Variants in PIEZO2 observed in about 807,000 individuals in gnomAD.
The protein encoded by PIEZO2 is piezo type mechanosensitive ion channel component 2.
In PIEZO2, 172 loss-of-function variants were observed where a neutral mutation model predicts 337.3. The ratio of observed to expected loss-of-function variants is 0.51; its 90% CI spans 0.45 to 0.58. PIEZO2 has a LOEUF of 0.58. Ranked by LOEUF, PIEZO2 falls within the 20% of genes least tolerant of loss-of-function variation. The pLI, the probability that PIEZO2 is intolerant of heterozygous loss-of-function variation, is 0.00. For synonymous variants in PIEZO2, 1,251 were observed against 1,228.5 expected (o/e 1.02, Z -0.38); for missense variants, 3,028 against 3,391.3 (o/e 0.89, Z 2.66).
intron 3 of PIEZO2, among the ~76,000 whole-genome samples, chr18:10,960,313 T>A (rs1033578701): frequency 1.3e-5 from 2 of 152,178 alleles, no homozygotes; most frequent in Non-Finnish European, 2.9e-5. Flanking sequence ...ATACATTCAA[T>A]GTTTATCTTT....
intron 12 of PIEZO2, 134 bp downstream of exon 12, chr18:10,797,235 ATCATG>A: frequency 1.6e-6 from 1 of 628,734 alleles, no homozygotes. Flanking sequence ...TATATGTACT[ATCATG>A]TCATATCATA....
chr18:11,064,346 T>G (rs2038079364), intron 2 of PIEZO2, among the ~76,000 whole-genome samples: 2 of 152,170 alleles, frequency 1.3e-5, no homozygotes, highest in Admixed American at 6.5e-5. Flanking sequence ...CTGCTTTCAG[T>G]TGCTCACTGG....
At chr18:10,951,641 T>A (rs2145317173) in intron 3 of PIEZO2, among the ~76,000 whole-genome samples, 1 of 152,376 alleles carries the variant, frequency 6.6e-6, no homozygotes, top group Non-Finnish European at 1.5e-5. Flanking sequence ...CTTGGATTAC[T>A]TTCCAAGGTC....
At chr18:10,882,118 A>T (rs2042437302) in intron 4 of PIEZO2, among the ~76,000 whole-genome samples, 2 of 152,254 alleles carry the variant, frequency 1.3e-5, no homozygotes. Flanking sequence ...AAGGTCATAC[A>T]CAGTATCCAC....
rs1054300020 is a variant in PIEZO2 at position 10,973,051 on chromosome 18, A to T, written c.286+6484T>A. Reference sequence around the variant, plus strand: ...GTCACCCAAGATCCTAAATTTTCTCATATATTAAATAGCATAAAAATTGTC... The same window carrying T: ...GTCACCCAAGATCCTAAATTTTCTCTTATATTAAATAGCATAAAAATTGTC... On this transcript the variant is annotated intron_variant, in intron 3 of 55. Transcript: ENST00000674853. This position sits in a 1 kb window ranked among gnomAD's most constrained non-coding sequence, Gnocchi z 4.9. Among the ~76,000 whole-genome samples, 2 of 152,216 alleles carry T rather than the reference A, an allele frequency of 1.3e-5. No individual in the cohort carries two copies.
At chr18:11,044,300 A>T (rs1359496536) in intron 2 of PIEZO2, among the ~76,000 whole-genome samples, 1 of 152,062 alleles carries the variant, frequency 6.6e-6, no homozygotes, top group Non-Finnish European at 1.5e-5. Flanking sequence ...TATTAATAAT[A>T]ACTTAAGCAT....
intron 4 of PIEZO2, among the ~76,000 whole-genome samples, chr18:10,880,019 G>A (rs2042370525): frequency 6.6e-6 from 1 of 152,218 alleles, no homozygotes; most frequent in South Asian, 2.1e-4. Context: ...CAGCGCAGGG[G>A]AGAGGGATAC....
chr18:11,130,118 A>G (rs1200452142), intron 1 of PIEZO2, among the ~76,000 whole-genome samples: 1 of 152,250 alleles, frequency 6.6e-6, no homozygotes, highest in East Asian at 1.9e-4. Flanking sequence ...TGCAGTGATT[A>G]GTGCCACCAT....
At chr18:10,728,954 C>CAAAA (rs143511795) in intron 36 of PIEZO2, among the ~76,000 whole-genome samples, 2 of 75,640 alleles carry the variant, frequency 2.6e-5, no homozygotes, top group African/African-American at 4.8e-5. Context: ...GACTCTGTCT[C>CAAAA]AAAAAAAAAA....
rs1260351252 is a variant in PIEZO2 at position 10,750,141 on chromosome 18, C to A, written c.4214G>T (p.Trp1405Leu). 1.3e-6 allele frequency: 2 copies of A among 1,537,172 alleles called. No homozygotes were observed. The highest frequency in any genetic ancestry group is 1.7e-6 in the Non-Finnish European group (2 of 1,146,860). ...YIGTLVHNSC[W>L]LIQAFSLACT... ...GGCCAGGCTGAAAGCCTGGATCAACCAACAACTATTGTGCACCAATGTTCC... is the reference window on the plus strand; with the variant it reads ...GGCCAGGCTGAAAGCCTGGATCAACAAACAACTATTGTGCACCAATGTTCC... Residue 1405 changes from tryptophan to leucine, a missense_variant, in exon 29 of 56, where the codon TGG becomes TTG. Around this residue, in one of 5 missense-constraint regions of PIEZO2, gnomAD observed 1,925 missense variants for 2,051.9 expected, o/e 0.94. Coordinates refer to ENST00000674853, the MANE Select transcript of PIEZO2 (RefSeq NM_001378183.1). This position sits in a 1 kb window ranked among gnomAD's most constrained non-coding sequence, Gnocchi z 4.1.
At chr18:10,939,746 A>G (rs1401348472) in intron 3 of PIEZO2, among the ~76,000 whole-genome samples, 2 of 152,204 alleles carry the variant, frequency 1.3e-5, no homozygotes, top group Middle Eastern at 3.2e-3. Context: ...GGAGGGGAAC[A>G]GCACACACTG....
chr18:10,825,257 C>T (rs1005467124), intron 7 of PIEZO2, among the ~76,000 whole-genome samples: 18 of 152,110 alleles, frequency 1.2e-4, no homozygotes, highest in Non-Finnish European at 2.6e-4. Context: ...GCAATGACTT[C>T]TTAGATATTT....
At chr18:10,690,559 C>T (rs2034769368) in intron 48 of PIEZO2, among the ~76,000 whole-genome samples, 1 of 152,166 alleles carries the variant, frequency 6.6e-6, no homozygotes, top group African/African-American at 2.4e-5. Flanking sequence ...CTGTATGAAA[C>T]ACGACCCCAC....
intron 21 of PIEZO2, among the ~76,000 whole-genome samples, chr18:10,763,981 A>G (rs1292937404): frequency 1.3e-5 from 2 of 152,156 alleles, no homozygotes; most frequent in African/African-American, 2.4e-5. Flanking sequence ...TAACAGTGCC[A>G]TTACTGAGAC....
chr18:10,896,499 G>A (rs2042905326), intron 4 of PIEZO2, among the ~76,000 whole-genome samples: 1 of 152,208 alleles, frequency 6.6e-6, no homozygotes, highest in African/African-American at 2.4e-5. Context: ...TAACTGGTCA[G>A]AGTAGAGTGC....
At chr18:11,063,804 A>G (rs888971289) in intron 2 of PIEZO2, among the ~76,000 whole-genome samples, 2 of 152,194 alleles carry the variant, frequency 1.3e-5, no homozygotes, top group Non-Finnish European at 2.9e-5. Context: ...AATTCACAGA[A>G]TGTGTATTAA....
At position 10,861,557 on chromosome 18, in the gene PIEZO2, C is replaced by A. The variant is rs138955954; in HGVS notation, c.493-4346G>T. Among the ~76,000 whole-genome samples the A allele has an allele frequency of 1.8e-3, 276 of 152,154 alleles. 1 individual carries two copies. The highest frequency in any genetic ancestry group is 6.2e-3 in the African/African-American group (257 of 41,508). ...ATACGTGGAATCTAAAGAAGTTGCA[C>A]TGATAGAAGTAGAGAGTAGAGGGGT... is the stretch of plus-strand genomic sequence containing the variant. On this transcript the variant is annotated intron_variant, in intron 5 of 55. Coordinates refer to ENST00000674853, the MANE Select transcript of PIEZO2 (RefSeq NM_001378183.1). The surrounding 1 kb of genome is among the most constrained non-coding windows in gnomAD (Gnocchi z 4.3).
At chr18:10,734,526 C>A (rs376222759) in intron 35 of PIEZO2, among the ~76,000 whole-genome samples, 1 of 152,216 alleles carries the variant, frequency 6.6e-6, no homozygotes, top group South Asian at 2.1e-4. Flanking sequence ...TTAGTGGCTG[C>A]CCCTGACTGA....
rs932587803 is a variant in PIEZO2 at position 11,028,676 on chromosome 18, A to G, written c.160+37451T>C. Reference sequence around the variant, plus strand: ...ACAGTAAAACTGTGCAGTATTAGGGATATATGTTTCCTTAGATAGATCCTC... The same window carrying G: ...ACAGTAAAACTGTGCAGTATTAGGGGTATATGTTTCCTTAGATAGATCCTC... On this transcript the variant is annotated intron_variant, in intron 2 of 55. Coordinates refer to ENST00000674853, the MANE Select transcript of PIEZO2 (RefSeq NM_001378183.1). This position sits in a 1 kb window ranked among gnomAD's most constrained non-coding sequence, Gnocchi z 4.8. Among the ~76,000 whole-genome samples, 3 of 152,194 alleles carry G rather than the reference A, an allele frequency of 2.0e-5. No homozygotes were observed. The highest frequency in any genetic ancestry group is 7.2e-5 in the African/African-American group (3 of 41,450).
Sources: gnomAD v4.1 joint callset for allele counts (sites outside exome capture counted in the v4.1 genomes callset) on GRCh38, gnomAD v4.1.1 for gene constraint, gnomAD v4.1.1 regional missense constraint, Gnocchi (gnomAD v3.1) non-coding constraint, MANE v1.5 for transcripts, NCBI Gene and HGNC (gene_info 2026-07-23, HGNC 2026-07-21) for gene names.